The following DFFA variants were observed in gnomAD, a reference collection of about 807,000 sequenced individuals.
The protein encoded by DFFA is DNA fragmentation factor subunit alpha, also known as DFF45.
In DFFA, 14 loss-of-function variants were observed where a neutral mutation model predicts 28.0. The ratio of observed to expected loss-of-function variants is 0.50; its 90% CI spans 0.33 to 0.78. The LOEUF is 0.78. Among genes scored for constraint, DFFA ranks in the 30% least tolerant of loss-of-function variants. The pLI is 0.02. For synonymous variants in DFFA, 158 were observed against 170.3 expected (o/e 0.93, Z 0.56); for missense variants, 395 against 407.1 (o/e 0.97, Z 0.26).
At chr1:10,463,333 C>T (rs1323846188) in intron 4 of DFFA, 98 bp downstream of exon 4, 3 of 1,545,422 alleles carry the variant, frequency 1.9e-6, no homozygotes, top group African/African-American at 1.4e-5. Context: ...GCAGCCGCGG[C>T]TTCAGTGGCC....
At chr1:10,468,951 C>G (rs1379171456) in intron 2 of DFFA, among the ~76,000 whole-genome samples, 1 of 152,132 alleles carries the variant, frequency 6.6e-6, no homozygotes, top group African/African-American at 2.4e-5. Context: ...GTTGGCCAGG[C>G]TGGTCTCAAA....
In DFFA at chr1:10,459,882, C is replaced by CT. The variant is rs1187112309; in HGVS notation, c.*1607dup. On this transcript the variant is annotated 3_prime_UTR_variant, in exon 6 of 6. Coordinates refer to ENST00000377038, the MANE Select transcript of DFFA (RefSeq NM_004401.3). ...GGTCAGTGCCACCATGCCTGGCTAA[C>CT]TTAAATTTTTTTTTTGTAGAGACAG... 1 of 151,974 alleles carries CT rather than the reference C, an allele frequency of 6.6e-6. No homozygotes were observed. Among genetic ancestry groups the CT allele is most frequent in the African/African-American group, 2.4e-5 (1 of 41,400 alleles). 9.4% of individuals were successfully genotyped at this position (151,974 alleles called of 1,614,324 possible).
In DFFA at chr1:10,463,594, G is replaced by T; in HGVS notation, c.468C>A (p.Asp156Glu). The T allele has an allele frequency of 6.2e-7, 1 of 1,614,020 alleles. No homozygotes were observed. The highest frequency in any genetic ancestry group is 1.1e-5 in the South Asian group (1 of 91,082). The change falls in exon 4 of 6, where the codon GAC (aspartate) becomes GAA (glutamate). Residue 156 changes from aspartate (D) to glutamate (E), a missense_variant. Asp to Glu is a conservative substitution (Grantham distance 45). Transcript: ENST00000377038. ...AACTCTGACGTAGTTCCTGAGCCAG[G>T]TCTGAGCAGGGAGCGTCAACAAGCA... ...LQMLVDAPCSDLAQELRQSCA... is the reference protein window; with the variant it reads ...LQMLVDAPCSELAQELRQSCA...
At chr1:10,471,926 T>C (rs1216385161) in intron 1 of DFFA, among the ~76,000 whole-genome samples, 2 of 152,162 alleles carry the variant, frequency 1.3e-5, no homozygotes, top group Non-Finnish European at 2.9e-5. Flanking sequence ...CATAGGTTCC[T>C]GCCAGAGCGG....
intron 3 of DFFA, among the ~76,000 whole-genome samples, chr1:10,465,922 C>A (rs1297466942): frequency 6.6e-6 from 1 of 151,626 alleles, no homozygotes; most frequent in African/African-American, 2.4e-5. Flanking sequence ...CTCACCTTGG[C>A]CTCCCAAAAT....
At chr1:10,463,302 A>T in intron 4 of DFFA, 93 bp from the exon 5 acceptor site, 1 of 1,558,926 alleles carries the variant, frequency 6.4e-7, no homozygotes, top group South Asian at 1.2e-5. Context: ...CAAGAGAGAA[A>T]CGTGCCCGTC....
At position 10,472,345 on chromosome 1, in the gene DFFA, G is replaced by A. The variant is rs1411223157; in HGVS notation, c.114C>T (p.Cys38=). 4 of 1,607,994 alleles carry A rather than the reference G, an allele frequency of 2.5e-6. No homozygotes were observed. The highest frequency in any genetic ancestry group is 4.5e-5 in the East Asian group (2 of 44,400). The part of the protein sequence containing the change: ...SREQHGVAAS[C]LEDLRSKACD... ...AACCCTTGCTCCTCAGGTCTTCGAGGCAGGAGGCGGCCACGCCGTGCTGTT... is the reference window on the plus strand; with the variant it reads ...AACCCTTGCTCCTCAGGTCTTCGAGACAGGAGGCGGCCACGCCGTGCTGTT... The change falls in exon 1 of 6, where the codon TGC becomes TGT. Residue 38 remains cysteine, a synonymous_variant. Coordinates refer to ENST00000377038, the MANE Select transcript of DFFA (RefSeq NM_004401.3). This position sits in a 1 kb window ranked among gnomAD's most constrained non-coding sequence, Gnocchi z 5.0.
Position 10,472,317 on chromosome 1 carries a change from G to GCCAA in DFFA, c.136+2_136+5dup. The GCCAA allele has an allele frequency of 1.9e-6, 3 of 1,587,176 alleles. No homozygotes were observed. The Middle Eastern group carries it at 5.0e-4, about 267-fold the overall frequency. ...CCCACACCCTCGCCCGGGGTCCCGA[G>GCCAA]CCAACCCTTGCTCCTCAGGTCTTCG... On this transcript the variant is annotated splice_donor_region_variant and intron_variant, in intron 1 of 5. Transcript: ENST00000377038. This position sits in a 1 kb window ranked among gnomAD's most constrained non-coding sequence, Gnocchi z 5.0.
At chr1:10,464,772 C>T (rs1640999782) in intron 3 of DFFA, among the ~76,000 whole-genome samples, 1 of 152,160 alleles carries the variant, frequency 6.6e-6, no homozygotes, top group Non-Finnish European at 1.5e-5. Context: ...AAGAGGCCTT[C>T]CTCCGTGTTC....
intron 1 of DFFA, among the ~76,000 whole-genome samples, chr1:10,469,546 G>A (rs1034794235): frequency 6.6e-6 from 1 of 151,800 alleles, no homozygotes; most frequent in Admixed American, 6.6e-5. Context: ...TTTGTAGCAG[G>A]GTCTCACTCT....
rs921730690 is a variant in DFFA at position 10,472,424 on chromosome 1, G to C, written c.35C>G (p.Ser12Cys). 4.3e-6 allele frequency: 7 copies of C among 1,611,950 alleles called. No homozygotes were observed. The highest frequency in any genetic ancestry group is 1.3e-5 in the African/African-American group (1 of 74,970). Residue 12 changes from serine to cysteine, a missense_variant, in exon 1 of 6, where the codon TCT becomes TGT. Transcript: ENST00000377038. The surrounding 1 kb of genome is among the most constrained non-coding windows in gnomAD (Gnocchi z 5.0). Reference sequence around the variant, plus strand: ...CGGCTTTAGAGTCCGGATCTCGCCAGATTCTGGTACCCCGGCGTCCCCGGT... The same window carrying C: ...CGGCTTTAGAGTCCGGATCTCGCCACATTCTGGTACCCCGGCGTCCCCGGT... ...EVTGDAGVPE[S>C]GEIRTLKPCL...
rs1641107842 is a variant in DFFA at position 10,472,192 on chromosome 1, G to T, written c.136+131C>A. The T allele has an allele frequency of 8.4e-7, 1 of 1,184,442 alleles. No homozygotes were observed. Among genetic ancestry groups the T allele is most frequent in the Non-Finnish European group, 1.1e-6 (1 of 872,812 alleles). 73.4% of individuals were successfully genotyped at this position (1,184,442 alleles called of 1,614,324 possible). On this transcript the variant is annotated intron_variant, in intron 1 of 5. Transcript: ENST00000377038. This position sits in a 1 kb window ranked among gnomAD's most constrained non-coding sequence, Gnocchi z 5.0. ...GTAAATCGCTATGCCCACTCGGACC[G>T]TTTCTGTCCCAAGCCTCCACCCGAG... is the stretch of plus-strand genomic sequence containing the variant.
rs1640890765 is a variant in DFFA at position 10,458,762 on chromosome 1, C to A, written c.*2728G>T. On this transcript the variant is annotated 3_prime_UTR_variant, in exon 6 of 6. Transcript: ENST00000377038. ...ACGTTGGCCAGGCTGGTCTCAAACT[C>A]CTGACCTCAGGTGATCCATCTGCCT... 1.3e-5 allele frequency: 2 copies of A among 152,164 alleles called. No homozygotes were observed. Among genetic ancestry groups the A allele is most frequent in the African/African-American group, 4.8e-5 (2 of 41,430 alleles). 9.4% of individuals were successfully genotyped at this position (152,164 alleles called of 1,614,324 possible).
Position 10,472,346 on chromosome 1 carries a change from CAGG to C in DFFA, c.110_112del (p.Ser37del), listed in dbSNP as rs758026773. On this transcript the variant is annotated inframe_deletion, in exon 1 of 6. Transcript: ENST00000377038. The surrounding 1 kb of genome is among the most constrained non-coding windows in gnomAD (Gnocchi z 5.0). ...ACCCTTGCTCCTCAGGTCTTCGAGGCAGGAGGCGGCCACGCCGTGCTGTTCGCG... is the reference window on the plus strand; with the variant it reads ...ACCCTTGCTCCTCAGGTCTTCGAGGCAGGCGGCCACGCCGTGCTGTTCGCG... 1.0e-3 allele frequency: 1,664 copies of C among 1,608,084 alleles called. 2 individuals carry two copies. Among genetic ancestry groups the C allele is most frequent in the Non-Finnish European group, 1.3e-3 (1,582 of 1,176,536 alleles).
At chr1:10,470,066 G>C (rs749642220) in intron 1 of DFFA, among the ~76,000 whole-genome samples, 1 of 151,934 alleles carries the variant, frequency 6.6e-6, no homozygotes, top group Non-Finnish European at 1.5e-5. Flanking sequence ...TACCTGCCTC[G>C]GCCTCCCAAA....
chr1:10,471,112 C>T (rs933504752), intron 1 of DFFA, among the ~76,000 whole-genome samples: 1 of 150,916 alleles, frequency 6.6e-6, no homozygotes, highest in African/African-American at 2.4e-5. Context: ...ACAGTATCTT[C>T]CTTAGCAGCT....
Position 10,472,270 on chromosome 1 carries a change from G to C in DFFA, c.136+53C>G. 1 of 1,480,342 alleles carries C rather than the reference G, an allele frequency of 6.8e-7. No homozygotes were observed. Among genetic ancestry groups the C allele is most frequent in the Non-Finnish European group, 9.0e-7 (1 of 1,106,260 alleles). The allele number at this position is 1,480,342 out of a possible 1,614,324, so 91.7% of individuals were successfully genotyped here. On this transcript the variant is annotated intron_variant, in intron 1 of 5. Coordinates refer to ENST00000377038, the MANE Select transcript of DFFA (RefSeq NM_004401.3). The surrounding 1 kb of genome is among the most constrained non-coding windows in gnomAD (Gnocchi z 5.0). ...TGACCCCGCCTCGCCCCCGCCGGAC[G>C]TCCTCACCCGGCCCTGGCTCCCCCA... is the stretch of plus-strand genomic sequence containing the variant.
intron 3 of DFFA, among the ~76,000 whole-genome samples, chr1:10,463,857 G>A (rs1640985859): frequency 1.3e-5 from 2 of 151,996 alleles, no homozygotes; most frequent in Non-Finnish European, 2.9e-5. Flanking sequence ...TAGAGACGGG[G>A]TTTTGTCATG....
At chr1:10,465,964 G>A (rs1201465656) in intron 3 of DFFA, among the ~76,000 whole-genome samples, 1 of 150,782 alleles carries the variant, frequency 6.6e-6, no homozygotes. Context: ...CACTGCACCT[G>A]GCCTACAAAA....
Sources: gnomAD v4.1 joint callset for allele counts (sites outside exome capture counted in the v4.1 genomes callset) on GRCh38, gnomAD v4.1.1 for gene constraint, Gnocchi (gnomAD v3.1) non-coding constraint, MANE v1.5 for transcripts, NCBI Gene and HGNC (gene_info 2026-07-23, HGNC 2026-07-21) for gene names.